The following FBXL17 variants were observed in gnomAD, a reference collection of about 807,000 sequenced individuals.
FBXL17 encodes F-box/LRR-repeat protein 17.
A neutral mutation model predicts 66.2 loss-of-function variants in FBXL17; 22 were observed. The observed-to-expected ratio is 0.33, with a 90% CI of 0.24 to 0.47. FBXL17 has a LOEUF of 0.47. Among genes scored for constraint, FBXL17 ranks in the 20% least tolerant of loss-of-function variants. The pLI is 1.00. For synonymous variants in FBXL17, 474 were observed against 400.5 expected (o/e 1.18, Z -2.19); for missense variants, 878 against 948.2 (o/e 0.93, Z 0.97).
At chr5:108,051,275 C>A (rs1342935867) in intron 6 of FBXL17, among the ~76,000 whole-genome samples, 1 of 152,098 alleles carries the variant, frequency 6.6e-6, no homozygotes, top group South Asian at 2.1e-4. Flanking sequence ...TGGGAAGAGA[C>A]ACAACAACAA....
intron 4 of FBXL17, among the ~76,000 whole-genome samples, chr5:108,229,009 C>T (rs889886671): frequency 9.9e-5 from 15 of 152,150 alleles, no homozygotes; most frequent in African/African-American, 3.4e-4. Flanking sequence ...TAATGCCTTC[C>T]ATTCAAAGTG....
At chr5:107,919,318 C>T (rs549034212) in intron 7 of FBXL17, among the ~76,000 whole-genome samples, 2 of 152,256 alleles carry the variant, frequency 1.3e-5, no homozygotes, top group South Asian at 2.1e-4. Flanking sequence ...ACAGCTTCTC[C>T]CCAATTCCTT....
At chr5:108,051,892 T>C (rs1747489421) in intron 6 of FBXL17, among the ~76,000 whole-genome samples, 1 of 151,858 alleles carries the variant, frequency 6.6e-6, no homozygotes, top group Non-Finnish European at 1.5e-5. Flanking sequence ...GGGCGGATCA[T>C]GAGGTCAGGA....
chr5:107,991,288 G>C (rs1452762471), intron 7 of FBXL17, among the ~76,000 whole-genome samples: 1 of 152,186 alleles, frequency 6.6e-6, no homozygotes, highest in African/African-American at 2.4e-5. Context: ...GAATGCAGCA[G>C]CACCCTCATG....
chr5:107,999,254 G>A (rs575207049), intron 7 of FBXL17, among the ~76,000 whole-genome samples: 20 of 152,204 alleles, frequency 1.3e-4, no homozygotes, highest in Middle Eastern at 3.4e-3. Context: ...ATCTAGCACA[G>A]GGATAGGCAT....
At chr5:108,027,311 T>C (rs543333492) in intron 6 of FBXL17, among the ~76,000 whole-genome samples, 3 of 152,240 alleles carry the variant, frequency 2.0e-5, no homozygotes, top group African/African-American at 7.2e-5. Flanking sequence ...GGTACAGAAA[T>C]TGAAGTAACA....
Position 108,364,766 on chromosome 5 carries a change from T to C in FBXL17, c.1346A>G (p.Asp449Gly). The change falls in exon 3 of 9, where the codon GAC becomes GGC. Residue 449 changes from aspartate to glycine, a missense_variant. By Grantham distance (94) the Asp-to-Gly change is moderately conservative. This residue lies in a region of FBXL17 where 236 missense variants were observed against 389.1 expected (regional missense o/e 0.61). Coordinates refer to ENST00000542267, the MANE Select transcript of FBXL17 (RefSeq NM_001163315.3). ...CTTGAGTCCTTCATCAGTGAGTTTG[T>C]CCTGGTTGCCTACATGCACTTTCTG... is the stretch of plus-strand genomic sequence containing the variant. ...LLQKVHVGNQ[D>G]KLTDEGLKQL... 2 of 1,612,638 alleles carry C rather than the reference T, an allele frequency of 1.2e-6. No individual in the cohort carries two copies. The highest frequency in any genetic ancestry group is 1.7e-6 in the Non-Finnish European group (2 of 1,179,026).
At chr5:108,092,717 G>A (rs555637692) in intron 6 of FBXL17, among the ~76,000 whole-genome samples, 2 of 152,270 alleles carry the variant, frequency 1.3e-5, no homozygotes, top group African/African-American at 4.8e-5. Context: ...TCCCCAAAAT[G>A]AGAACACAAG....
At position 108,298,437 on chromosome 5, in the gene FBXL17, T is replaced by G. The variant is rs143098072; in HGVS notation, c.1506+49962A>C. ...ACAATCATAGATTTAAACTAAAATC[T>G]AAACAAAACTTCAGTAGGCTTTAAA... On this transcript the variant is annotated intron_variant, in intron 4 of 8. Coordinates refer to ENST00000542267, the MANE Select transcript of FBXL17 (RefSeq NM_001163315.3). The G allele has an allele frequency of 2.1e-5, 20 of 974,632 alleles. No individual in the cohort carries two copies. The East Asian group carries it at 1.9e-3, about 94-fold the overall frequency. The allele number at this position is 974,632 out of a possible 1,614,324, so 60.4% of individuals were successfully genotyped here.
intron 6 of FBXL17, among the ~76,000 whole-genome samples, chr5:108,036,015 A>C (rs768531265): frequency 6.6e-6 from 1 of 152,240 alleles, no homozygotes; most frequent in Non-Finnish European, 1.5e-5. Context: ...TCATGCTGAT[A>C]CACTAAGGCT....
At chr5:108,183,457 G>A (rs1262102719) in intron 6 of FBXL17, among the ~76,000 whole-genome samples, 4 of 152,124 alleles carry the variant, frequency 2.6e-5, no homozygotes, top group Non-Finnish European at 4.4e-5. Context: ...GTTATGAATA[G>A]CTTTTTAAAG....
intron 4 of FBXL17, among the ~76,000 whole-genome samples, chr5:108,259,607 T>C (rs1189249413): frequency 6.6e-6 from 1 of 152,010 alleles, no homozygotes; most frequent in Non-Finnish European, 1.5e-5. Context: ...TTTGTAAAAA[T>C]GTTGCTTGAA....
At chr5:108,052,112 CAAAAAAAAA>C (rs144705189) in intron 6 of FBXL17, among the ~76,000 whole-genome samples, 4 of 102,188 alleles carry the variant, frequency 3.9e-5, no homozygotes, top group Admixed American at 2.3e-4. Context: ...GACTTCGTCT[CAAAAAAAAA>C]AAAAAAAAAA....
chr5:108,225,548 T>C (rs1184545325), intron 4 of FBXL17, among the ~76,000 whole-genome samples: 1 of 152,132 alleles, frequency 6.6e-6, no homozygotes. Context: ...GCACACCAGA[T>C]TGCCAAAAAG....
chr5:108,079,985 G>A (rs187564572), intron 6 of FBXL17, among the ~76,000 whole-genome samples: 131 of 152,296 alleles, frequency 8.6e-4, no homozygotes, highest in Non-Finnish European at 1.1e-3. Flanking sequence ...AATTAAGGCA[G>A]GGAGGCAGGC....
Position 108,221,575 on chromosome 5 carries a change from G to A in FBXL17, c.1614+2546C>T, listed in dbSNP as rs1381570082. Among the ~76,000 whole-genome samples, 4 of 152,184 alleles carry A rather than the reference G, an allele frequency of 2.6e-5. No individual in the cohort carries two copies. The South Asian group carries it at 8.3e-4, about 32-fold the overall frequency. On this transcript the variant is annotated intron_variant, in intron 5 of 8. Transcript: ENST00000542267. ...ATTTAGTGACATCATGTATTAAAGA[G>A]ATTTTCTAAAGCATGTAAAAACATA...
chr5:107,879,936 A>G, intron 8 of FBXL17: 1 of 983,436 alleles, frequency 1.0e-6, no homozygotes, highest in Non-Finnish European at 1.2e-6. Context: ...TCCTGGGGCC[A>G]CTGACTGGTC....
intron 6 of FBXL17, among the ~76,000 whole-genome samples, chr5:108,038,896 T>A (rs904653407): frequency 6.6e-6 from 1 of 152,060 alleles, no homozygotes. Flanking sequence ...GATGATATAC[T>A]CGGGGTGTGG....
chr5:108,013,024 A>G (rs1754244184), intron 7 of FBXL17, among the ~76,000 whole-genome samples: 1 of 151,034 alleles, frequency 6.6e-6, no homozygotes, highest in Non-Finnish European at 1.5e-5. Flanking sequence ...CAAAAAAAAA[A>G]AAAAAAAAAA....
Sources: allele counts gnomAD v4.1 joint callset (sites outside exome capture counted in the v4.1 genomes callset), GRCh38; gene constraint gnomAD v4.1.1; regional missense constraint gnomAD v4.1.1; transcripts MANE v1.5; gene names NCBI Gene and HGNC (gene_info 2026-07-23, HGNC 2026-07-21).